The following C3orf70 variants were observed in gnomAD, a reference collection of about 807,000 sequenced individuals.
C3orf70 encodes chromosome 3 open reading frame 70.
A neutral mutation model predicts 20.7 loss-of-function variants in C3orf70; 15 were observed. The ratio of observed to expected loss-of-function variants is 0.72; its 90% CI spans 0.48 to 1.11. C3orf70 has a LOEUF of 1.11. Among genes scored for constraint, C3orf70 ranks in the 50% most tolerant of loss-of-function variants. The pLI is 0.00. For synonymous variants in C3orf70, 161 were observed against 125.7 expected (o/e 1.28, Z -1.88); for missense variants, 332 against 317.6 (o/e 1.05, Z -0.34).
intron 1 of C3orf70, among the ~76,000 whole-genome samples, chr3:185,100,816 T>C (rs184810081): frequency 1.5e-5 from 2 of 135,016 alleles, no homozygotes; most frequent in East Asian, 2.1e-4. Context: ...AAGAAGAGAG[T>C]AGATCCAAAT....
At chr3:185,099,106 T>C (rs1181757756) in intron 1 of C3orf70, among the ~76,000 whole-genome samples, 2 of 152,200 alleles carry the variant, frequency 1.3e-5, no homozygotes, top group Non-Finnish European at 2.9e-5. Context: ...TATGACCAAT[T>C]TTAATTTTAA....
intron 1 of C3orf70, among the ~76,000 whole-genome samples, chr3:185,118,204 T>C (rs570233011): frequency 1.1e-3 from 162 of 152,344 alleles, no homozygotes; most frequent in African/African-American, 3.7e-3. Flanking sequence ...ATGAATGTTC[T>C]TTCATATCTG....
chr3:185,152,535 C>A, intron 1 of C3orf70, 93 bp downstream of exon 1: 1 of 1,176,478 alleles, frequency 8.5e-7, no homozygotes. Context: ...AGCCCGGAGC[C>A]CCGCGGCCGC....
chr3:185,128,851 G>A (rs1716470268), intron 1 of C3orf70, among the ~76,000 whole-genome samples: 1 of 152,072 alleles, frequency 6.6e-6, no homozygotes, highest in African/African-American at 2.4e-5. Context: ...ACGATCTCAA[G>A]GTGCTTTCTT....
intron 1 of C3orf70, among the ~76,000 whole-genome samples, chr3:185,092,525 G>A (rs1194914487): frequency 6.6e-6 from 1 of 152,162 alleles, no homozygotes; most frequent in African/African-American, 2.4e-5. Context: ...GCCAGGCACT[G>A]AGCTAGGTTC....
At chr3:185,109,730 C>T (rs1716023805) in intron 1 of C3orf70, among the ~76,000 whole-genome samples, 1 of 152,088 alleles carries the variant, frequency 6.6e-6, no homozygotes. Context: ...GGCAATAATG[C>T]CTGGATGTAA....
At chr3:185,133,841 C>T (rs937671808) in intron 1 of C3orf70, among the ~76,000 whole-genome samples, 2 of 152,190 alleles carry the variant, frequency 1.3e-5, no homozygotes, top group Non-Finnish European at 2.9e-5. Context: ...GTAATCCTAG[C>T]ACTTTGGGAG....
At chr3:185,149,633 T>C (rs1354824228) in intron 1 of C3orf70, among the ~76,000 whole-genome samples, 1 of 152,192 alleles carries the variant, frequency 6.6e-6, no homozygotes, top group Non-Finnish European at 1.5e-5. Flanking sequence ...AAAGGAGAAC[T>C]TCTCAAACAT....
At chr3:185,124,568 C>G (rs1484707300) in intron 1 of C3orf70, among the ~76,000 whole-genome samples, 1 of 152,086 alleles carries the variant, frequency 6.6e-6, no homozygotes, top group East Asian at 1.9e-4. Context: ...AAACATGAAA[C>G]TTACACTATA....
At chr3:185,134,280 T>C (rs1013565946) in intron 1 of C3orf70, among the ~76,000 whole-genome samples, 2 of 152,096 alleles carry the variant, frequency 1.3e-5, no homozygotes, top group Non-Finnish European at 1.5e-5. Flanking sequence ...ATTCAAAAAT[T>C]AAAGTCAAAT....
intron 1 of C3orf70, among the ~76,000 whole-genome samples, chr3:185,134,864 C>T (rs906765868): frequency 3.3e-5 from 5 of 151,972 alleles, no homozygotes; most frequent in Admixed American, 6.6e-5. Flanking sequence ...TCAGTGGAGG[C>T]CTAAGGGAGA....
intron 1 of C3orf70, among the ~76,000 whole-genome samples, chr3:185,134,171 T>C (rs111590917): frequency 0.022 from 3,276 of 151,514 alleles, 51 homozygotes; most frequent in East Asian, 0.094. Flanking sequence ...GGGATACAAA[T>C]GAAACTTTTT....
chr3:185,080,443 T>C lies in C3orf70; in HGVS notation c.*2564A>G, dbSNP rs771875770. Reference sequence around the variant, plus strand: ...GTGGCCCCGTGACCACGTATATCCATGGCTTTAGAAATCTGGTTGACTCCA... The same window carrying C: ...GTGGCCCCGTGACCACGTATATCCACGGCTTTAGAAATCTGGTTGACTCCA... On this transcript the variant is annotated 3_prime_UTR_variant, in exon 2 of 2. Transcript: ENST00000335012. 8 of 152,692 alleles carry C rather than the reference T, an allele frequency of 5.2e-5. No individual in the cohort carries two copies. The highest frequency in any genetic ancestry group is 6.5e-5 in the Admixed American group (1 of 15,284). 9.5% of individuals were successfully genotyped at this position (152,692 alleles called of 1,614,324 possible).
At chr3:185,089,655 T>G (rs1388816738) in intron 1 of C3orf70, among the ~76,000 whole-genome samples, 6 of 152,162 alleles carry the variant, frequency 3.9e-5, no homozygotes, top group African/African-American at 1.2e-4. Context: ...TTAAAAATAA[T>G]ATAAAAATAT....
At position 185,126,826 on chromosome 3, in the gene C3orf70, C is replaced by G. The variant is rs1013277118; in HGVS notation, c.196+25802G>C. Among the ~76,000 whole-genome samples, 13 of 152,214 alleles carry G rather than the reference C, an allele frequency of 8.5e-5. No homozygotes were observed. In the East Asian group the frequency reaches 2.5e-3, roughly 29 times the overall value. On this transcript the variant is annotated intron_variant, in intron 1 of 1. Transcript: ENST00000335012. ...CTCCAATCGCACAGTTGTATGGCCA[C>G]AAAACAAGCCCTGGAGAGATGGTAC...
intron 1 of C3orf70, among the ~76,000 whole-genome samples, chr3:185,103,537 G>A (rs1293544198): frequency 6.6e-6 from 1 of 151,350 alleles, no homozygotes; most frequent in African/African-American, 2.4e-5. Flanking sequence ...CAAAAAACAT[G>A]AACAGACACT....
intron 1 of C3orf70, among the ~76,000 whole-genome samples, chr3:185,126,512 A>T (rs1254304801): frequency 6.6e-6 from 1 of 152,212 alleles, no homozygotes; most frequent in African/African-American, 2.4e-5. Flanking sequence ...AGATACAAGC[A>T]GCCAGGAAGA....
intron 1 of C3orf70, among the ~76,000 whole-genome samples, chr3:185,104,005 G>C (rs1225338141): frequency 6.6e-6 from 1 of 152,206 alleles, no homozygotes. Flanking sequence ...CAACTACACA[G>C]ATAAGGGAGA....
At chr3:185,142,713 A>G (rs1435963434) in intron 1 of C3orf70, among the ~76,000 whole-genome samples, 1 of 152,234 alleles carries the variant, frequency 6.6e-6, no homozygotes, top group African/African-American at 2.4e-5. Flanking sequence ...AGCAAAAGGC[A>G]TCTTTATAAT....
Sources: gnomAD v4.1 joint callset for allele counts (sites outside exome capture counted in the v4.1 genomes callset) on GRCh38, gnomAD v4.1.1 for gene constraint, MANE v1.5 for transcripts, NCBI Gene and HGNC (gene_info 2026-07-23, HGNC 2026-07-21) for gene names.